CENPW: variants seen among roughly 807,000 people sequenced by gnomAD.
The protein encoded by CENPW is centromere protein W.
Under a neutral mutation model 11.1 loss-of-function variants are expected in CENPW, and 3 were observed. The observed-to-expected ratio is 0.27, with a 90% CI of 0.12 to 0.70. CENPW has a LOEUF of 0.70. Among genes scored for constraint, CENPW ranks in the 30% least tolerant of loss-of-function variants. CENPW has a pLI of 0.77. For synonymous variants in CENPW, 38 were observed against 42.0 expected (o/e 0.91, Z 0.37); for missense variants, 100 against 105.6 (o/e 0.95, Z 0.23).
chr6:126,357,088 T>C, the CENPW span, among the ~76,000 whole-genome samples: 1 of 152,202 alleles, frequency 6.6e-6, no homozygotes, highest in African/African-American at 2.4e-5. Context: ...TACATTTAAG[T>C]CTTTAGTCCA....
the CENPW span, among the ~76,000 whole-genome samples, chr6:126,461,699 T>C: frequency 1.1e-4 from 16 of 152,082 alleles, no homozygotes. Context: ...TTTTGGCACA[T>C]TTTCTATTAT....
the CENPW span, among the ~76,000 whole-genome samples, chr6:126,459,809 T>C: frequency 6.6e-6 from 1 of 151,592 alleles, no homozygotes. Flanking sequence ...CTCCCTAACT[T>C]TGTGCTCCTC....
chr6:126,432,620 C>A, the CENPW span, among the ~76,000 whole-genome samples: 1 of 152,154 alleles, frequency 6.6e-6, no homozygotes, highest in African/African-American at 2.4e-5. Context: ...AGTACCACTC[C>A]TGCTCACCAA....
the CENPW span, among the ~76,000 whole-genome samples, chr6:126,465,002 T>G: frequency 6.6e-6 from 1 of 151,926 alleles, no homozygotes; most frequent in East Asian, 1.9e-4. Context: ...GTACTGGAGG[T>G]TCTAGTGAGT....
At chr6:126,482,737 CTTAA>C in the CENPW span, among the ~76,000 whole-genome samples, 1 of 152,030 alleles carries the variant, frequency 6.6e-6, no homozygotes, top group African/African-American at 2.4e-5. Context: ...TCCTCACCAT[CTTAA>C]TTATTTTTAG....
chr6:126,412,478 G>C, the CENPW span, among the ~76,000 whole-genome samples: 2 of 152,038 alleles, frequency 1.3e-5, no homozygotes, highest in Non-Finnish European at 2.9e-5. Context: ...TTACTTTCAA[G>C]ATTTTCTATT....
the CENPW span, among the ~76,000 whole-genome samples, chr6:126,398,714 G>A: frequency 6.6e-6 from 1 of 151,584 alleles, no homozygotes; most frequent in Non-Finnish European, 1.5e-5. Flanking sequence ...TTGTTACATG[G>A]GTATATTATG....
the CENPW span, among the ~76,000 whole-genome samples, chr6:126,428,537 C>T: frequency 6.6e-6 from 1 of 152,082 alleles, no homozygotes; most frequent in Non-Finnish European, 1.5e-5. Flanking sequence ...CTGGAAGATT[C>T]TTTTCAATTC....
At chr6:126,441,375 T>C in the CENPW span, among the ~76,000 whole-genome samples, 1 of 151,378 alleles carries the variant, frequency 6.6e-6, no homozygotes, top group Non-Finnish European at 1.5e-5. Context: ...TCCCAGAGAT[T>C]CTGTAAACTG....
At chr6:126,479,080 G>A in the CENPW span, among the ~76,000 whole-genome samples, 1,517 of 151,922 alleles carry the variant, frequency 1.0e-2, 22 homozygotes, top group African/African-American at 0.035. Context: ...ATCCTCCTTC[G>A]GTTTATGTGG....
chr6:126,345,705 T>C (rs533329115), intron 1 of CENPW, among the ~76,000 whole-genome samples: 17 of 152,198 alleles, frequency 1.1e-4, no homozygotes, highest in African/African-American at 4.1e-4. Context: ...CACTTTTCAA[T>C]TTAGCAAACT....
the CENPW span, among the ~76,000 whole-genome samples, chr6:126,453,346 A>G: frequency 6.6e-6 from 1 of 151,212 alleles, no homozygotes; most frequent in Non-Finnish European, 1.5e-5. Context: ...AACCCCCTTC[A>G]TGCTAACCAC....
chr6:126,441,914 G>C, the CENPW span, among the ~76,000 whole-genome samples: 12 of 151,678 alleles, frequency 7.9e-5, no homozygotes, highest in Admixed American at 6.6e-4. Flanking sequence ...CTATAAACAT[G>C]CGTGTGCAAG....
chr6:126,419,812 C>T, the CENPW span, among the ~76,000 whole-genome samples: 1 of 152,100 alleles, frequency 6.6e-6, no homozygotes, highest in Non-Finnish European at 1.5e-5. Flanking sequence ...CATATGTTTT[C>T]TCCATGCCAC....
chr6:126,403,913 T>C, the CENPW span, among the ~76,000 whole-genome samples: 2 of 152,096 alleles, frequency 1.3e-5, no homozygotes, highest in African/African-American at 4.8e-5. Flanking sequence ...AGATAATGCC[T>C]GACTTTAAGG....
At chr6:126,364,170 T>TA in the CENPW span, among the ~76,000 whole-genome samples, 1 of 152,184 alleles carries the variant, frequency 6.6e-6, no homozygotes, top group African/African-American at 2.4e-5. Context: ...TTCTGAATGG[T>TA]ACCCCCACAA....
the CENPW span, among the ~76,000 whole-genome samples, chr6:126,376,888 A>G: frequency 6.6e-6 from 1 of 152,112 alleles, no homozygotes; most frequent in Non-Finnish European, 1.5e-5. Context: ...CATGTCAGGA[A>G]TGGGGCTGTG....
chr6:126,406,400 T>G, the CENPW span, among the ~76,000 whole-genome samples: 3 of 152,204 alleles, frequency 2.0e-5, no homozygotes, highest in Non-Finnish European at 4.4e-5. Flanking sequence ...TGAACTGTAT[T>G]TTTTTCTTTC....
chr6:126,357,566 T>C, the CENPW span, among the ~76,000 whole-genome samples: 1 of 152,138 alleles, frequency 6.6e-6, no homozygotes, highest in African/African-American at 2.4e-5. Flanking sequence ...TTTTTCGATT[T>C]ATTTGTGTTG....
Sources: gnomAD v4.1 joint callset for allele counts (sites outside exome capture counted in the v4.1 genomes callset) on GRCh38, gnomAD v4.1.1 for gene constraint, MANE v1.5 for transcripts, NCBI Gene and HGNC (gene_info 2026-07-23, HGNC 2026-07-21) for gene names.